NSD2: variants seen among roughly 807,000 people sequenced by gnomAD.
The protein encoded by NSD2 is nuclear receptor binding SET domain protein 2, also known as histone-lysine N-methyltransferase NSD2.
NSD2 carries 12 observed loss-of-function variants against 139.0 expected under a neutral mutation model. That is an observed-to-expected ratio of 0.09 (90% CI 0.06 to 0.14). The LOEUF (loss-of-function observed/expected upper bound fraction) is 0.14. Among genes scored for constraint, NSD2 ranks in the 10% least tolerant of loss-of-function variants. The pLI is 1.00. For synonymous variants in NSD2, 669 were observed against 648.7 expected, an observed-to-expected ratio of 1.03 and a Z score of -0.48; for missense variants, 1,155 against 1,745.0, an observed-to-expected ratio of 0.66 and a Z score of 6.02.
At chr4:1,892,604 C>T (rs983904453) in intron 1 of NSD2, among the ~76,000 whole-genome samples, 4 of 151,956 alleles carry the variant, frequency 2.6e-5, no homozygotes, top group East Asian at 1.9e-4. Context: ...CTTGCCCTGT[C>T]GCCCAGGCTG....
In NSD2 at chr4:1,979,609, T is replaced by C. The variant is rs1727549440; in HGVS notation, c.*700T>C. On this transcript the variant is annotated 3_prime_UTR_variant, in exon 22 of 22. Transcript: ENST00000508803. ...TAACACGTCCACTTTCAACGTGTAG[T>C]TTACGCGGAGCACTTTCGAGGCCTG... is the stretch of plus-strand genomic sequence containing the variant. 1 of 232,756 alleles carries C rather than the reference T, an allele frequency of 4.3e-6. No individual in the cohort carries two copies. Among genetic ancestry groups the C allele is most frequent in the East Asian group, 6.0e-5 (1 of 16,558 alleles). 14.4% of individuals were successfully genotyped at this position (232,756 alleles called of 1,614,324 possible).
chr4:1,898,836 C>G (rs930763560), intron 1 of NSD2, among the ~76,000 whole-genome samples: 1 of 151,918 alleles, frequency 6.6e-6, no homozygotes, highest in Non-Finnish European at 1.5e-5. Flanking sequence ...AGATTTCCCC[C>G]CTCATTTTAT....
At chr4:1,921,079 C>T (rs1413053195) in intron 5 of NSD2, among the ~76,000 whole-genome samples, 2 of 152,106 alleles carry the variant, frequency 1.3e-5, no homozygotes, top group Non-Finnish European at 2.9e-5. Context: ...GTTAGTAAAC[C>T]AGGAATAAAA....
At chr4:1,938,417 T>TTTTTTTTC in intron 7 of NSD2, 34 bp from the exon 8 acceptor site, 1 of 190,422 alleles carries the variant, frequency 5.3e-6, no homozygotes, top group Non-Finnish European at 9.0e-6. Context: ...TTTTTCTTTC[T>TTTTTTTTC]TTTTTTTTTT....
At chr4:1,933,202 A>G (rs1194383314) in intron 6 of NSD2, among the ~76,000 whole-genome samples, 1 of 152,224 alleles carries the variant, frequency 6.6e-6, no homozygotes, top group East Asian at 1.9e-4. Flanking sequence ...CATTGGGCTC[A>G]GGCCTAGACC....
Position 1,891,474 on chromosome 4 carries a change from C to T in NSD2, c.-29-9152C>T, listed in dbSNP as rs115857579. ...ACCTCCTTCTGCTCAGTTGGATTCACGGAATTATCAGAGTGGGCTTTAGCT... is the reference window on the plus strand; with the variant it reads ...ACCTCCTTCTGCTCAGTTGGATTCATGGAATTATCAGAGTGGGCTTTAGCT... On this transcript the variant is annotated intron_variant, in intron 1 of 21. Coordinates refer to ENST00000508803, the MANE Select transcript of NSD2 (RefSeq NM_001042424.3). Among the ~76,000 whole-genome samples the T allele has an allele frequency of 4.5e-3, 689 of 152,210 alleles. 6 individuals are homozygous for T. The highest frequency in any genetic ancestry group is 0.016 in the African/African-American group (668 of 41,536).
chr4:1,981,752 C>G lies in NSD2; in HGVS notation c.*2843C>G, dbSNP rs1452535935. ...TGCAGTGCCCATCTTCCAGGACTAC[C>G]TTATTTTCCAGAATTAAACCTGTTT... On this transcript the variant is annotated 3_prime_UTR_variant, in exon 22 of 22. Coordinates refer to ENST00000508803, the MANE Select transcript of NSD2 (RefSeq NM_001042424.3). 2.5e-6 allele frequency: 1 copy of G among 397,498 alleles called. No individual in the cohort carries two copies. Among genetic ancestry groups the G allele is most frequent in the East Asian group, 3.6e-5 (1 of 28,078 alleles). 24.6% of individuals were successfully genotyped at this position (397,498 alleles called of 1,614,324 possible). A position where few individuals can be genotyped will look rare whatever the true frequency, so the allele number is the denominator to read the frequency against.
In NSD2 at chr4:1,955,451, C is replaced by G; in HGVS notation, c.2518+111C>G. ...TGTGTTCATTGATGTTGACAGTGTT[C>G]TGTGCGTCTTCACGTTAATAGTATA... On this transcript the variant is annotated intron_variant, in intron 13 of 21. Coordinates refer to ENST00000508803, the MANE Select transcript of NSD2 (RefSeq NM_001042424.3). The surrounding 1 kb of genome is among the most constrained non-coding windows in gnomAD (Gnocchi z 4.7). 3 of 1,380,018 alleles carry G rather than the reference C, an allele frequency of 2.2e-6. No homozygotes were observed. Among genetic ancestry groups the G allele is most frequent in the Non-Finnish European group, 2.9e-6 (3 of 1,037,954 alleles). The allele number at this position is 1,380,018 out of a possible 1,614,324, so 85.5% of individuals were successfully genotyped here. A position where few individuals can be genotyped will look rare whatever the true frequency, so the allele number is the denominator to read the frequency against.
At chr4:1,916,788 A>G (rs781282395) in intron 3 of NSD2, 83 bp from the exon 4 acceptor site, 2 of 1,401,194 alleles carry the variant, frequency 1.4e-6, no homozygotes, top group South Asian at 2.8e-5. Flanking sequence ...ACCAAGGGAA[A>G]CAACTGCAAA....
chr4:1,881,051 A>G (rs936555966), intron 1 of NSD2, among the ~76,000 whole-genome samples: 2 of 152,158 alleles, frequency 1.3e-5, no homozygotes, highest in Non-Finnish European at 2.9e-5. Context: ...GGTTTGTGTC[A>G]TGATCCTATG....
chr4:1,955,095 G>A lies in NSD2; in HGVS notation c.2339-66G>A. On this transcript the variant is annotated intron_variant, in intron 12 of 21. Coordinates refer to ENST00000508803, the MANE Select transcript of NSD2 (RefSeq NM_001042424.3). The surrounding 1 kb of genome is among the most constrained non-coding windows in gnomAD (Gnocchi z 4.7). ...ATTCATGGAGGCTGAGTAATTATTA[G>A]TTGCTCTTTTCACTATGACTGGAGT... 6.8e-6 allele frequency: 10 copies of A among 1,460,410 alleles called. No homozygotes were observed. The South Asian group carries it at 1.3e-4, about 20-fold the overall frequency. The allele number at this position is 1,460,410 out of a possible 1,614,324, so 90.5% of individuals were successfully genotyped here.
intron 7 of NSD2, 41 bp downstream of exon 7, chr4:1,935,303 G>T: frequency 6.8e-7 from 1 of 1,478,526 alleles, no homozygotes; most frequent in Non-Finnish European, 9.4e-7. Context: ...CAGAGTGTAT[G>T]CTCTGTGACT....
In NSD2 at chr4:1,916,911, T is replaced by C. The variant is rs760170097; in HGVS notation, c.801T>C (p.Phe267=). The C allele has an allele frequency of 1.3e-5, 21 of 1,614,030 alleles. No individual in the cohort carries two copies. Among genetic ancestry groups the C allele is most frequent in the Non-Finnish European group, 1.7e-5 (20 of 1,180,014 alleles). The change falls in exon 4 of 22, where the codon TTT becomes TTC. Residue 267 remains phenylalanine (F), a synonymous_variant. Transcript: ENST00000508803. Reference sequence around the variant, plus strand: ...CACGCCAGTATCACGTACAGTTCTTTGGTGACGCCCCAGAAAGAGCTTGGA... The same window carrying C: ...CACGCCAGTATCACGTACAGTTCTTCGGTGACGCCCCAGAAAGAGCTTGGA... ...KSARQYHVQF[F]GDAPERAWIF...
At chr4:1,945,519 T>G (rs1388405668) in intron 9 of NSD2, 3 of 1,064,200 alleles carry the variant, frequency 2.8e-6, no homozygotes, top group Non-Finnish European at 3.4e-6. Flanking sequence ...TGCCTGTGGA[T>G]GTATATAAAA....
chr4:1,891,358 C>T (rs569876650), intron 1 of NSD2, among the ~76,000 whole-genome samples: 12 of 152,278 alleles, frequency 7.9e-5, no homozygotes, highest in Non-Finnish European at 1.5e-4. Flanking sequence ...CAGTCTTTTC[C>T]GCCCCCGGAG....
At chr4:1,957,511 C>CT (rs1411738327) in intron 15 of NSD2, among the ~76,000 whole-genome samples, 3 of 149,912 alleles carry the variant, frequency 2.0e-5, no homozygotes, top group Non-Finnish European at 4.4e-5. Context: ...TGGTCTTGAA[C>CT]TCCTGACCTC....
At chr4:1,873,817 T>A (rs945100641) in intron 1 of NSD2, among the ~76,000 whole-genome samples, 1 of 152,224 alleles carries the variant, frequency 6.6e-6, no homozygotes, top group Non-Finnish European at 1.5e-5. Context: ...AAGATGGTGC[T>A]GAAGTTCATA....
At chr4:1,947,517 C>G in intron 9 of NSD2, 1 of 1,055,964 alleles carries the variant, frequency 9.5e-7, no homozygotes, top group East Asian at 5.3e-5. Context: ...CTAGAAGGGT[C>G]ACTTTAATAA....
intron 9 of NSD2, chr4:1,947,500 G>T: frequency 9.5e-7 from 1 of 1,057,416 alleles, no homozygotes; most frequent in Non-Finnish European, 1.1e-6. Flanking sequence ...TTTCTAGTTT[G>T]TGTAACCTAG....
Sources: allele counts gnomAD v4.1 joint callset (sites outside exome capture counted in the v4.1 genomes callset), GRCh38; gene constraint gnomAD v4.1.1; non-coding constraint Gnocchi (gnomAD v3.1); transcripts MANE v1.5; gene names NCBI Gene and HGNC (gene_info 2026-07-23, HGNC 2026-07-21).